The following TMEM132C variants were observed in gnomAD, a reference collection of about 807,000 sequenced individuals.
TMEM132C encodes transmembrane protein 132C, also known as protein phosphatase 1, regulatory subunit 152.
A neutral mutation model predicts 61.4 loss-of-function variants in TMEM132C; 29 were observed. That is an observed-to-expected ratio of 0.47 (90% CI 0.35 to 0.64). The LOEUF is 0.64. Among genes scored for constraint, TMEM132C ranks in the 30% least tolerant of loss-of-function variants. The probability of loss-of-function intolerance (pLI) is 0.00; values close to 1 mark genes in which losing one functional copy is unlikely to be tolerated. For missense variants in TMEM132C, 1,408 were observed against 1,476.9 expected, an observed-to-expected ratio of 0.95 and a Z score of 0.76; for synonymous variants, 656 against 633.1, an observed-to-expected ratio of 1.04 and a Z score of -0.54.
At chr12:128,416,992 G>A (rs554574714) in intron 2 of TMEM132C, among the ~76,000 whole-genome samples, 2 of 152,226 alleles carry the variant, frequency 1.3e-5, no homozygotes, top group South Asian at 4.2e-4. Flanking sequence ...TGGTGGGGAG[G>A]GACAGGTCTC....
At chr12:128,311,639 C>G (rs1871966734) in intron 1 of TMEM132C, among the ~76,000 whole-genome samples, 1 of 152,246 alleles carries the variant, frequency 6.6e-6, no homozygotes, top group African/African-American at 2.4e-5. Flanking sequence ...TGTTCCCTCT[C>G]TCCTTCGTGC....
chr12:128,290,304 A>G lies in TMEM132C; in HGVS notation c.85+22817A>G, dbSNP rs1000961467. ...CCTCAGGAAACTTACAGTCATGGGA[A>G]ATGGGAAGCAAGGGACGTCCTACAT... On this transcript the variant is annotated intron_variant, in intron 1 of 8. Coordinates refer to ENST00000435159, the MANE Select transcript of TMEM132C (RefSeq NM_001136103.3). Among the ~76,000 whole-genome samples, 2 of 152,100 alleles carry G rather than the reference A, an allele frequency of 1.3e-5. 1 individual carries two copies. The highest frequency in any genetic ancestry group is 4.8e-5 in the African/African-American group (2 of 41,420).
chr12:128,524,647 C>T (rs866825063), intron 2 of TMEM132C, among the ~76,000 whole-genome samples: 17 of 152,122 alleles, frequency 1.1e-4, no homozygotes, highest in Admixed American at 4.6e-4. Context: ...GAGAAGCTTG[C>T]GGTGAGATTC....
chr12:128,535,606 C>T (rs974864674), intron 2 of TMEM132C, among the ~76,000 whole-genome samples: 4 of 152,114 alleles, frequency 2.6e-5, no homozygotes, highest in Admixed American at 6.5e-5. Flanking sequence ...CAGTGGCTCA[C>T]GCCTGTAATC....
chr12:128,365,618 C>T (rs912837216), intron 1 of TMEM132C, among the ~76,000 whole-genome samples: 5 of 152,306 alleles, frequency 3.3e-5, no homozygotes, highest in African/African-American at 1.2e-4. Flanking sequence ...AATGCCTCCT[C>T]GCCTCTGATT....
intron 3 of TMEM132C, 70 bp downstream of exon 3, chr12:128,544,173 G>A (rs535620396): frequency 2.1e-6 from 3 of 1,438,346 alleles, no homozygotes; most frequent in Admixed American, 2.9e-5. Context: ...GTGCGTAAGA[G>A]CCTTGACTTG....
At chr12:128,447,186 C>T (rs961475815) in intron 2 of TMEM132C, among the ~76,000 whole-genome samples, 8 of 152,132 alleles carry the variant, frequency 5.3e-5, no homozygotes, top group Non-Finnish European at 8.8e-5. Flanking sequence ...GTCCCTCCTG[C>T]GCCTGTGTCC....
At chr12:128,617,036 G>A (rs1876824568) in intron 4 of TMEM132C, among the ~76,000 whole-genome samples, 1 of 152,132 alleles carries the variant, frequency 6.6e-6, no homozygotes, top group African/African-American at 2.4e-5. Context: ...CTTCACCTTG[G>A]CTCATGTAAG....
Position 128,519,270 on chromosome 12 carries a change from G to A in TMEM132C, c.975-24687G>A, listed in dbSNP as rs1344236728. Among the ~76,000 whole-genome samples the A allele has an allele frequency of 8.5e-5, 13 of 152,152 alleles. No individual in the cohort carries two copies. In the East Asian group the frequency reaches 2.5e-3, roughly 29 times the overall value. ...TAAGGTAGCCATTCCCTGTTGAGAA[G>A]GTGACCACATTTTATTATCCAAACT... On this transcript the variant is annotated intron_variant, in intron 2 of 8. Coordinates refer to ENST00000435159, the MANE Select transcript of TMEM132C (RefSeq NM_001136103.3).
chr12:128,618,912 G>A (rs1025033427), intron 4 of TMEM132C, among the ~76,000 whole-genome samples: 2 of 152,148 alleles, frequency 1.3e-5, no homozygotes, highest in Non-Finnish European at 2.9e-5. Flanking sequence ...CCTCAGCTAT[G>A]CAAAGCAACA....
At chr12:128,610,982 T>G (rs1471856566) in intron 3 of TMEM132C, among the ~76,000 whole-genome samples, 1 of 152,216 alleles carries the variant, frequency 6.6e-6, no homozygotes, top group Non-Finnish European at 1.5e-5. Context: ...CTAAAGCCAC[T>G]GAGCCTGAAT....
At chr12:128,286,496 A>G (rs1871078995) in intron 1 of TMEM132C, among the ~76,000 whole-genome samples, 1 of 152,230 alleles carries the variant, frequency 6.6e-6, no homozygotes, top group African/African-American at 2.4e-5. Context: ...TGGGCAGAAT[A>G]ATTCCTAAGC....
intron 2 of TMEM132C, among the ~76,000 whole-genome samples, chr12:128,441,956 C>G (rs564444229): frequency 6.6e-6 from 1 of 152,088 alleles, no homozygotes; most frequent in Admixed American, 6.5e-5. Flanking sequence ...GAGCCGGGAT[C>G]GCACCATGGC....
intron 1 of TMEM132C, among the ~76,000 whole-genome samples, chr12:128,411,755 C>G (rs1167935729): frequency 1.3e-5 from 2 of 152,178 alleles, no homozygotes; most frequent in African/African-American, 4.8e-5. Context: ...TGTACATACA[C>G]ATGCACACAT....
At chr12:128,612,150 G>A (rs944874958) in intron 3 of TMEM132C, among the ~76,000 whole-genome samples, 3 of 152,168 alleles carry the variant, frequency 2.0e-5, no homozygotes, top group South Asian at 2.1e-4. Context: ...CCTCCCGGGG[G>A]CTCATTTCTC....
chr12:128,563,611 G>A (rs1017968370), intron 3 of TMEM132C, among the ~76,000 whole-genome samples: 4 of 152,104 alleles, frequency 2.6e-5, no homozygotes, highest in African/African-American at 4.8e-5. Flanking sequence ...ATGCGCTCTC[G>A]GGCAAGTCTG....
rs541802266 is a variant in TMEM132C, at chr12:128,278,705, G to A, written c.85+11218G>A. Among the ~76,000 whole-genome samples, 3 of 151,408 alleles carry A rather than the reference G, an allele frequency of 2.0e-5. No individual in the cohort carries two copies. Among genetic ancestry groups the A allele is most frequent in the Non-Finnish European group, 4.4e-5 (3 of 67,934 alleles). On this transcript the variant is annotated intron_variant, in intron 1 of 8. Coordinates refer to ENST00000435159, the MANE Select transcript of TMEM132C (RefSeq NM_001136103.3). This position sits in a 1 kb window ranked among gnomAD's most constrained non-coding sequence, Gnocchi z 4.2. ...CTAAGTTTTTGTCTTAACTTGTGTG[G>A]GCCACGGTTCCCAGATATTTGTGCA...
At chr12:128,349,866 C>G (rs1873282737) in intron 1 of TMEM132C, among the ~76,000 whole-genome samples, 1 of 152,048 alleles carries the variant, frequency 6.6e-6, no homozygotes. Flanking sequence ...TTTTCTTTCT[C>G]TGTCTCCTCC....
At chr12:128,295,064 GAGAA>G (rs1479256268) in intron 1 of TMEM132C, among the ~76,000 whole-genome samples, 3 of 144,186 alleles carry the variant, frequency 2.1e-5, no homozygotes, top group Non-Finnish European at 4.6e-5. Context: ...TTAAAAAATT[GAGAA>G]AGAAATGATT....
Sources: gnomAD v4.1 joint callset for allele counts (sites outside exome capture counted in the v4.1 genomes callset) on GRCh38, gnomAD v4.1.1 for gene constraint, Gnocchi (gnomAD v3.1) non-coding constraint, MANE v1.5 for transcripts, NCBI Gene and HGNC (gene_info 2026-07-23, HGNC 2026-07-21) for gene names.